ZZEF1: variants seen among roughly 807,000 people sequenced by gnomAD.
The protein encoded by ZZEF1 is zinc finger ZZ-type and EF-hand domain containing 1, also known as zinc finger ZZ-type and EF-hand domain-containing protein 1.
A neutral mutation model predicts 342.8 loss-of-function variants in ZZEF1; 157 were observed. That is an observed-to-expected ratio of 0.46 (90% CI 0.40 to 0.52). The LOEUF (loss-of-function observed/expected upper bound fraction) is 0.52, where lower values mean the gene tolerates loss of function less well. Ranked by LOEUF, ZZEF1 falls within the 20% of genes least tolerant of loss-of-function variation. The pLI, the probability that ZZEF1 is intolerant of heterozygous loss-of-function variation, is 0.00. For synonymous variants in ZZEF1, 1,505 were observed against 1,429.1 expected (o/e 1.05, Z -1.20); for missense variants, 3,480 against 3,725.6 (o/e 0.93, Z 1.72).
chr17:4,021,400 T>G (rs1360294099), intron 44 of ZZEF1, 80 bp from the exon 45 acceptor site: 1 of 1,166,712 alleles, frequency 8.6e-7, no homozygotes, highest in African/African-American at 1.6e-5. Context: ...ATGAAAATAT[T>G]GGGCCTAACT....
intron 43 of ZZEF1, among the ~76,000 whole-genome samples, chr17:4,023,662 A>C (rs1224263873): frequency 6.6e-6 from 1 of 151,352 alleles, no homozygotes; most frequent in East Asian, 1.9e-4. Flanking sequence ...TCTCCAAAAA[A>C]AAAAAAAAAA....
At position 4,096,113 on chromosome 17, in the gene ZZEF1, C is replaced by T. The variant is rs545953148; in HGVS notation, c.1765-134G>A. ...AAAAATATTTCAAACATATTAAGCCCTCAAAAAATAAGAAAGCTGTTTCCC... is the reference window on the plus strand; with the variant it reads ...AAAAATATTTCAAACATATTAAGCCTTCAAAAAATAAGAAAGCTGTTTCCC... On this transcript the variant is annotated intron_variant, in intron 10 of 54. Coordinates refer to ENST00000381638, the MANE Select transcript of ZZEF1 (RefSeq NM_015113.4). 5.0e-4 allele frequency: 494 copies of T among 996,912 alleles called. 3 individuals are homozygous for T. Among genetic ancestry groups the T allele is most frequent in the Non-Finnish European group, 1.2e-4 (88 of 710,234 alleles). 61.8% of individuals were successfully genotyped at this position (996,912 alleles called of 1,614,324 possible).
At chr17:4,068,395 T>A (rs1301328649) in intron 26 of ZZEF1, among the ~76,000 whole-genome samples, 1 of 152,150 alleles carries the variant, frequency 6.6e-6, no homozygotes, top group East Asian at 1.9e-4. Context: ...CAAGCAATTC[T>A]CCTGTCTCAG....
At chr17:4,042,636 C>G (rs1813682365) in intron 38 of ZZEF1, 68 bp from the exon 39 acceptor site, 1 of 1,476,220 alleles carries the variant, frequency 6.8e-7, no homozygotes, top group Non-Finnish European at 9.2e-7. Context: ...AAGTAAACCA[C>G]TGCACTGTCC....
chr17:4,016,962 C>T lies in ZZEF1; in HGVS notation c.8001+409G>A, dbSNP rs2056119455. 1 of 202,200 alleles carries T rather than the reference C, an allele frequency of 4.9e-6. No homozygotes were observed. Among genetic ancestry groups the T allele is most frequent in the Non-Finnish European group, 1.0e-5 (1 of 98,438 alleles). The allele number at this position is 202,200 out of a possible 1,614,324, so 12.5% of individuals were successfully genotyped here. A position where few individuals can be genotyped will look rare whatever the true frequency, so the allele number is the denominator to read the frequency against. ...AAGCCTGCCAGCACCTGCAGGGCTG[C>T]AAGGCCGGGAAAAGACCTCGAGGTC... On this transcript the variant is annotated intron_variant, in intron 48 of 54. Coordinates refer to ENST00000381638, the MANE Select transcript of ZZEF1 (RefSeq NM_015113.4). The surrounding 1 kb of genome is among the most constrained non-coding windows in gnomAD (Gnocchi z 4.4).
intron 1 of ZZEF1, among the ~76,000 whole-genome samples, chr17:4,138,068 T>TC: frequency 6.6e-6 from 1 of 151,598 alleles, no homozygotes. Flanking sequence ...CTAGTGCAGG[T>TC]GGGGGAAAGG....
chr17:4,126,185 C>T (rs1375292471), intron 1 of ZZEF1, among the ~76,000 whole-genome samples: 2 of 148,314 alleles, frequency 1.3e-5, no homozygotes, highest in Non-Finnish European at 3.0e-5. Flanking sequence ...AGATCACACA[C>T]TGCACTCCAG....
rs1271038885 is a variant in ZZEF1 at position 4,047,852 on chromosome 17, G to A, written c.6015+1856C>T. ...GTTACTTGAGAGGCTGAGGTAGGAGGATCATTGGAGCCCAGGAGGTGGAGG... is the reference window on the plus strand; with the variant it reads ...GTTACTTGAGAGGCTGAGGTAGGAGAATCATTGGAGCCCAGGAGGTGGAGG... On this transcript the variant is annotated intron_variant, in intron 37 of 54. Coordinates refer to ENST00000381638, the MANE Select transcript of ZZEF1 (RefSeq NM_015113.4). Among the ~76,000 whole-genome samples the A allele has an allele frequency of 3.4e-5, 5 of 146,602 alleles. No homozygotes were observed. In the South Asian group the frequency reaches 8.7e-4, roughly 25 times the overall value.
chr17:4,066,819 G>A (rs962034658), intron 27 of ZZEF1, among the ~76,000 whole-genome samples: 1 of 107,324 alleles, frequency 9.3e-6, no homozygotes, highest in Non-Finnish European at 1.9e-5. Context: ...CCAGTCTGCT[G>A]CAGATTGAAC....
At chr17:4,100,849 A>G (rs906844495) in intron 9 of ZZEF1, among the ~76,000 whole-genome samples, 4 of 152,236 alleles carry the variant, frequency 2.6e-5, no homozygotes, top group Admixed American at 6.5e-5. Flanking sequence ...AAATATAAAA[A>G]TAAAGAAATA....
chr17:4,142,462 A>C, intron 1 of ZZEF1, 80 bp downstream of exon 1: 3 of 1,478,794 alleles, frequency 2.0e-6, no homozygotes, highest in Non-Finnish European at 2.7e-6. Context: ...GGCCTCTCCA[A>C]AGCAAATGCC....
intron 6 of ZZEF1, among the ~76,000 whole-genome samples, 177 bp from the exon 7 acceptor site, chr17:4,105,986 A>G (rs1392042155): frequency 6.6e-6 from 1 of 151,974 alleles, no homozygotes; most frequent in East Asian, 1.9e-4. Flanking sequence ...GTCTCGCTCT[A>G]TCACCCAGGC....
In ZZEF1 at chr17:4,070,821, C is replaced by G; in HGVS notation, c.3938G>C (p.Gly1313Ala). Residue 1313 changes from glycine (G) to alanine (A), a missense_variant, in exon 26 of 55, where the codon GGA (glycine) becomes GCA (alanine). Physicochemically the swap from Gly to Ala is moderately conservative, Grantham distance 60. Around this residue, in one of 5 missense-constraint regions of ZZEF1, gnomAD observed 1,528 missense variants for 1,624.1 expected, o/e 0.94. Coordinates refer to ENST00000381638, the MANE Select transcript of ZZEF1 (RefSeq NM_015113.4). Reference sequence around the variant, plus strand: ...CTGTTTTCTACATGCCTGTATGAATCCTTTGAAAAGTTCTGAATATGGCCC... The same window carrying G: ...CTGTTTTCTACATGCCTGTATGAATGCTTTGAAAAGTTCTGAATATGGCCC... ...FCGPYSELFK[G>A]FIQACRKQAP... 1 of 1,614,098 alleles carries G rather than the reference C, an allele frequency of 6.2e-7. No homozygotes were observed. Among genetic ancestry groups the G allele is most frequent in the South Asian group, 1.1e-5 (1 of 91,078 alleles).
chr17:4,060,597 A>G (rs944503168), intron 30 of ZZEF1, among the ~76,000 whole-genome samples: 5 of 151,816 alleles, frequency 3.3e-5, no homozygotes, highest in African/African-American at 1.2e-4. Flanking sequence ...ACAAACAAAA[A>G]AAACACTCAA....
chr17:4,084,725 T>C (rs969408692), intron 16 of ZZEF1, among the ~76,000 whole-genome samples: 1 of 152,250 alleles, frequency 6.6e-6, no homozygotes, highest in Non-Finnish European at 1.5e-5. Context: ...ACAGTGCTTA[T>C]AGATACTAAA....
chr17:4,029,874 CAA>C (rs58293642), intron 42 of ZZEF1, among the ~76,000 whole-genome samples: 16 of 82,274 alleles, frequency 1.9e-4, no homozygotes, highest in African/African-American at 4.7e-4. Context: ...AACTCCATCT[CAA>C]AAAAAAAAAA....
At chr17:4,032,032 A>C in intron 42 of ZZEF1, 94 bp downstream of exon 42, 1 of 1,365,506 alleles carries the variant, frequency 7.3e-7, no homozygotes, top group Non-Finnish European at 9.9e-7. Flanking sequence ...AATCACACGC[A>C]GGCCAAGAGC....
chr17:4,060,963 A>G (rs1211125021), intron 30 of ZZEF1, among the ~76,000 whole-genome samples: 1 of 152,184 alleles, frequency 6.6e-6, no homozygotes, highest in Non-Finnish European at 1.5e-5. Flanking sequence ...ACCAACACAC[A>G]GAAGTACTCT....
chr17:4,093,436 G>C (rs372708644), intron 11 of ZZEF1, among the ~76,000 whole-genome samples: 3 of 152,304 alleles, frequency 2.0e-5, no homozygotes, highest in East Asian at 3.9e-4. Context: ...CCTGATACGT[G>C]GTGAGTTTTC....
Sources: allele counts gnomAD v4.1 joint callset (sites outside exome capture counted in the v4.1 genomes callset), GRCh38; gene constraint gnomAD v4.1.1; regional missense constraint gnomAD v4.1.1; non-coding constraint Gnocchi (gnomAD v3.1); transcripts MANE v1.5; gene names NCBI Gene and HGNC (gene_info 2026-07-23, HGNC 2026-07-21).